Variants in CD109 observed in about 807,000 individuals in gnomAD.
The protein encoded by CD109 is CD109 molecule.
Under a neutral mutation model 165.8 loss-of-function variants are expected in CD109, and 149 were observed. The observed-to-expected ratio is 0.90, with a 90% CI of 0.79 to 1.03. The LOEUF (loss-of-function observed/expected upper bound fraction) is 1.03, where lower values mean the gene tolerates loss of function less well. Among genes scored for constraint, CD109 ranks in the 50% least tolerant of loss-of-function variants. The pLI is 0.00. For synonymous variants in CD109, 585 were observed against 592.1 expected (o/e 0.99, Z 0.18); for missense variants, 1,712 against 1,677.8 (o/e 1.02, Z -0.36).
chr6:73,752,884 T>C (rs145150953), intron 5 of CD109, among the ~76,000 whole-genome samples: 35 of 152,316 alleles, frequency 2.3e-4, no homozygotes, highest in Middle Eastern at 6.8e-3. Context: ...ATAAAATTAT[T>C]TTGAAAGTGA....
chr6:73,762,661 G>A (rs1773679836), intron 8 of CD109, 80 bp from the exon 9 acceptor site: 6 of 1,179,848 alleles, frequency 5.1e-6, no homozygotes, highest in Non-Finnish European at 6.1e-6. Flanking sequence ...CTATCATATT[G>A]TTGTGACTTA....
In CD109 at chr6:73,826,953, T is replaced by C. The variant is rs1776297080; in HGVS notation, c.*3320T>C. ...GTCAATATAATACCAACTATTTTTA[T>C]TTTTACATAATTCAATTATTTCATT... On this transcript the variant is annotated 3_prime_UTR_variant, in exon 33 of 33. Transcript: ENST00000287097. The C allele has an allele frequency of 6.6e-6, 1 of 152,062 alleles. No individual in the cohort carries two copies. The highest frequency in any genetic ancestry group is 2.1e-4 in the South Asian group (1 of 4,818). 9.4% of individuals were successfully genotyped at this position (152,062 alleles called of 1,614,324 possible).
At chr6:73,698,641 G>A (rs978517178) in intron 2 of CD109, among the ~76,000 whole-genome samples, 1 of 152,200 alleles carries the variant, frequency 6.6e-6, no homozygotes, top group Non-Finnish European at 1.5e-5. Context: ...AAGTTTATCT[G>A]CATCTGTGGT....
In CD109 at chr6:73,820,505, CT is replaced by C. The variant is rs1178199933; in HGVS notation, c.4107del (p.Phe1369LeufsTer13). 6.2e-7 allele frequency: 1 copy of C among 1,612,464 alleles called. No homozygotes were observed. Among genetic ancestry groups the C allele is most frequent in the Non-Finnish European group, 8.5e-7 (1 of 1,179,064 alleles). On this transcript the variant is annotated frameshift_variant, in exon 32 of 33. Transcript: ENST00000287097. LOFTEE classifies it high-confidence loss of function. ...GTGTTAATATTCCTGCTGTGAGAAA[CT>C]TTAAAGTTTCAAATACCCAAGATGC... ...FCVNIPAVRN[F>X]KVSNTQDASV... is the part of the protein sequence containing the mutation.
rs746556852 is a variant in CD109, at chr6:73,792,793, A to T, written c.2869A>T (p.Met957Leu). 2 of 1,608,064 alleles carry T rather than the reference A, an allele frequency of 1.2e-6. No homozygotes were observed. The highest frequency in any genetic ancestry group is 1.7e-6 in the Non-Finnish European group (2 of 1,179,256). The change falls in exon 23 of 33, where the codon ATG (methionine) becomes TTG (leucine). Residue 957 changes from methionine to leucine, a missense_variant. Physicochemically the swap from Met to Leu is conservative, Grantham distance 15. Coordinates refer to ENST00000287097, the MANE Select transcript of CD109 (RefSeq NM_133493.5). ...TTTGAAAGAAAAAGCTCTTTCATTT[A>T]TGAGGCAAGGTAAGCATTTTAGAGA... ...DNLKEKALSFMRQGYQRELLY... is the reference protein window; with the variant it reads ...DNLKEKALSFLRQGYQRELLY...
chr6:73,814,865 A>T, intron 29 of CD109, 116 bp from the exon 30 acceptor site: 1 of 570,274 alleles, frequency 1.8e-6, no homozygotes. Context: ...TAGTTTGAAG[A>T]TTAAAAATCT....
At chr6:73,744,960 G>A (rs898229030) in intron 5 of CD109, among the ~76,000 whole-genome samples, 5 of 152,156 alleles carry the variant, frequency 3.3e-5, no homozygotes, top group African/African-American at 9.7e-5. Flanking sequence ...CCCACTTTAT[G>A]GAGGAAGAAT....
At chr6:73,768,702 C>G (rs953140748) in intron 14 of CD109, among the ~76,000 whole-genome samples, 4 of 152,162 alleles carry the variant, frequency 2.6e-5, no homozygotes, top group African/African-American at 9.7e-5. Context: ...AGCTTGATTA[C>G]CCTGCATGTG....
intron 23 of CD109, among the ~76,000 whole-genome samples, chr6:73,799,014 T>C (rs891347628): frequency 6.6e-6 from 1 of 152,154 alleles, no homozygotes. Context: ...TTCCTCTTTT[T>C]TCTTAGGTTG....
chr6:73,827,905 T>C lies in CD109; in HGVS notation c.*4272T>C, dbSNP rs1776321435. 6.5e-6 allele frequency: 1 copy of C among 154,692 alleles called. No individual in the cohort carries two copies. The highest frequency in any genetic ancestry group is 2.4e-5 in the African/African-American group (1 of 41,540). The allele number at this position is 154,692 out of a possible 1,614,324, so 9.6% of individuals were successfully genotyped here. ...TCTTATGTTGTCTTGAGGCCAAGAT[T>C]TACCACGTTTGCCCAGTGTATTGAA... On this transcript the variant is annotated 3_prime_UTR_variant, in exon 33 of 33. Transcript: ENST00000287097.
intron 4 of CD109, among the ~76,000 whole-genome samples, chr6:73,732,775 G>A (rs1307123911): frequency 1.3e-5 from 2 of 152,188 alleles, no homozygotes; most frequent in Non-Finnish European, 2.9e-5. Context: ...CTCTGCTCTA[G>A]TATCTTCCTT....
At chr6:73,777,726 T>C (rs189822207) in intron 15 of CD109, among the ~76,000 whole-genome samples, 1 of 152,210 alleles carries the variant, frequency 6.6e-6, no homozygotes, top group Non-Finnish European at 1.5e-5. Context: ...TAGTTGTAGA[T>C]GTGCAGTCTT....
intron 22 of CD109, 148 bp from the exon 23 acceptor site, chr6:73,792,478 T>C: frequency 1.4e-6 from 1 of 690,774 alleles, no homozygotes; most frequent in Non-Finnish European, 2.5e-6. Context: ...AAAAGCTTGG[T>C]GTAAAGTTCC....
intron 22 of CD109, among the ~76,000 whole-genome samples, chr6:73,791,174 TATACACACAC>T (rs1562071008): frequency 5.2e-4 from 16 of 30,710 alleles, no homozygotes; most frequent in African/African-American, 1.3e-3. Context: ...TATATATATA[TATACACACAC>T]ACACATACAT....
At chr6:73,704,207 C>T (rs948613314) in intron 2 of CD109, among the ~76,000 whole-genome samples, 5 of 151,166 alleles carry the variant, frequency 3.3e-5, no homozygotes, top group Non-Finnish European at 5.9e-5. Context: ...GAGAATCTAA[C>T]CTTTATGTTC....
At chr6:73,751,981 A>T (rs2150208716) in intron 5 of CD109, among the ~76,000 whole-genome samples, 1 of 152,304 alleles carries the variant, frequency 6.6e-6, no homozygotes, top group South Asian at 2.1e-4. Context: ...TAAACGCAAA[A>T]CTGAGTCTGA....
chr6:73,762,979 A>C (rs1161723229), intron 9 of CD109, 97 bp downstream of exon 9: 6 of 1,089,972 alleles, frequency 5.5e-6, no homozygotes, highest in Non-Finnish European at 7.7e-6. Context: ...AGCATCATTG[A>C]CTTTCTAAAG....
intron 3 of CD109, among the ~76,000 whole-genome samples, chr6:73,724,613 A>ATTTT (rs11386114): frequency 7.4e-6 from 1 of 135,128 alleles, no homozygotes; most frequent in African/African-American, 2.8e-5. Context: ...ATTACCTTAA[A>ATTTT]TTTTTTTTTT....
chr6:73,771,636 A>C, intron 15 of CD109, 55 bp downstream of exon 15: 2 of 1,210,812 alleles, frequency 1.7e-6, no homozygotes, highest in East Asian at 2.6e-5. Context: ...GAAAGAGGAA[A>C]CTTTATTGTA....
Sources: allele counts gnomAD v4.1 joint callset (sites outside exome capture counted in the v4.1 genomes callset), GRCh38; gene constraint gnomAD v4.1.1; transcripts MANE v1.5; gene names NCBI Gene and HGNC (gene_info 2026-07-23, HGNC 2026-07-21).